LRP1B: variants seen among roughly 807,000 people sequenced by gnomAD.
LRP1B encodes the protein low-density lipoprotein receptor-related protein 1B.
Under a neutral mutation model 556.6 loss-of-function variants are expected in LRP1B, and 217 were observed. That is an observed-to-expected ratio of 0.39 (90% CI 0.35 to 0.44). LRP1B has a LOEUF of 0.44. Ranked by LOEUF, LRP1B falls within the 20% of genes least tolerant of loss-of-function variation. The pLI is 1.00. For missense variants in LRP1B, 5,053 were observed against 5,620.8 expected (o/e 0.90, Z 3.23); for synonymous variants, 2,047 against 1,865.8 (o/e 1.10, Z -2.50).
At chr2:140,256,053 G>A (rs561275038) in intron 86 of LRP1B, among the ~76,000 whole-genome samples, 83 of 152,046 alleles carry the variant, frequency 5.5e-4, no homozygotes, top group African/African-American at 1.5e-3. Context: ...TTTGCTTGAT[G>A]GATACTTTAA....
intron 1 of LRP1B, among the ~76,000 whole-genome samples, chr2:142,042,580 C>G (rs549734568): frequency 6.1e-4 from 93 of 151,472 alleles, no homozygotes; most frequent in African/African-American, 2.2e-3. Context: ...TTATTCACAG[C>G]AATAAAAAAG....
At chr2:141,834,810 G>T (rs10191067) in intron 1 of LRP1B, among the ~76,000 whole-genome samples, 1 of 151,622 alleles carries the variant, frequency 6.6e-6, no homozygotes, top group Non-Finnish European at 1.5e-5. Flanking sequence ...TTTACAGTAC[G>T]CTGAGAAAGT....
At position 141,414,255 on chromosome 2, in the gene LRP1B, A is replaced by AAAAG. The variant is rs1266695197; in HGVS notation, c.343+66140_343+66141insCTTT. Reference sequence around the variant, plus strand: ...TCTATCTCAAAAAAAAAAAAAAAAGAAAAAGGAAGGAAGGAGGGAGGGAGG... The same window carrying AAAAG: ...TCTATCTCAAAAAAAAAAAAAAAAGAAAAGAAAAGGAAGGAAGGAGGGAGGGAGG... On this transcript the variant is annotated intron_variant, in intron 3 of 90. Coordinates refer to ENST00000389484, the MANE Select transcript of LRP1B (RefSeq NM_018557.3). Among the ~76,000 whole-genome samples the AAAAG allele has an allele frequency of 2.1e-3, 307 of 146,434 alleles. 3 individuals carry two copies. Among genetic ancestry groups the AAAAG allele is most frequent in the African/African-American group, 7.4e-3 (297 of 40,082 alleles).
At chr2:140,560,231 A>G (rs114725870) in intron 43 of LRP1B, among the ~76,000 whole-genome samples, 76 of 152,322 alleles carry the variant, frequency 5.0e-4, no homozygotes, top group African/African-American at 1.8e-3. Context: ...AGAGAAAGCA[A>G]GACTGGGGTA....
chr2:141,689,827 T>G (rs1234052363), intron 2 of LRP1B, among the ~76,000 whole-genome samples: 2 of 151,832 alleles, frequency 1.3e-5, no homozygotes, highest in East Asian at 3.9e-4. Flanking sequence ...AGCTGACTTA[T>G]TTTTAAACAA....
intron 2 of LRP1B, among the ~76,000 whole-genome samples, chr2:141,585,443 G>C (rs1228792747): frequency 6.7e-6 from 1 of 150,160 alleles, no homozygotes; most frequent in East Asian, 2.0e-4. Context: ...GTGTGTGTGT[G>C]TGTGTGTGTG....
chr2:141,213,875 C>T (rs1047392092), intron 6 of LRP1B, among the ~76,000 whole-genome samples: 6 of 151,470 alleles, frequency 4.0e-5, no homozygotes, highest in Non-Finnish European at 7.4e-5. Flanking sequence ...TTGAATGATA[C>T]CACATCCTTT....
chr2:142,005,112 TACTATATATA>T (rs1452644456), intron 1 of LRP1B, among the ~76,000 whole-genome samples: 3 of 148,576 alleles, frequency 2.0e-5, no homozygotes, highest in African/African-American at 7.3e-5. Flanking sequence ...ATTAGTTATT[TACTATATATA>T]ACTATATAGT....
intron 14 of LRP1B, among the ~76,000 whole-genome samples, chr2:141,008,114 A>T (rs1697631194): frequency 6.6e-6 from 1 of 151,382 alleles, no homozygotes; most frequent in Admixed American, 6.6e-5. Context: ...TTATGTAAAA[A>T]TATCCTCTTT....
At chr2:141,373,801 ATAT>A (rs1178230158) in intron 3 of LRP1B, among the ~76,000 whole-genome samples, 1 of 151,976 alleles carries the variant, frequency 6.6e-6, no homozygotes, top group Non-Finnish European at 1.5e-5. Context: ...TGTTACTGTC[ATAT>A]TATTGTTTTC....
chr2:140,315,206 AAAT>A (rs1326155042), intron 82 of LRP1B, 107 bp from the exon 83 acceptor site: 19 of 727,566 alleles, frequency 2.6e-5, no homozygotes, highest in African/African-American at 3.6e-5. Context: ...TGTTTCCATA[AAAT>A]AATTAACCCC....
intron 6 of LRP1B, among the ~76,000 whole-genome samples, chr2:141,204,469 A>C (rs781147569): frequency 1.3e-5 from 2 of 152,176 alleles, no homozygotes; most frequent in Non-Finnish European, 2.9e-5. Flanking sequence ...CTTCACTTCC[A>C]AAGGTAGCCT....
chr2:141,968,977 TTC>T (rs1450124778), intron 1 of LRP1B, among the ~76,000 whole-genome samples: 2 of 151,630 alleles, frequency 1.3e-5, no homozygotes, highest in African/African-American at 2.4e-5. Context: ...TTTCTTTCAG[TTC>T]TCTCTGTCCT....
intron 1 of LRP1B, among the ~76,000 whole-genome samples, chr2:142,000,938 T>C (rs1475354904): frequency 2.0e-5 from 3 of 152,174 alleles, no homozygotes; most frequent in Non-Finnish European, 4.4e-5. Context: ...AATTCCCATA[T>C]GTTGTGGGAG....
rs1418532704 is a variant in LRP1B at position 141,780,587 on chromosome 2, G to A, written c.205+29692C>T. Among the ~76,000 whole-genome samples, 6 of 152,210 alleles carry A rather than the reference G, an allele frequency of 3.9e-5. No individual in the cohort carries two copies. In the South Asian group the frequency reaches 1.2e-3, roughly 32 times the overall value. ...ACGGGCTATTTTAAGCTATCGCGTG[G>A]CATCACTGAACTGGACTTGGAAGAG... On this transcript the variant is annotated intron_variant, in intron 2 of 90. Coordinates refer to ENST00000389484, the MANE Select transcript of LRP1B (RefSeq NM_018557.3).
chr2:141,903,850 A>G (rs1699687141), intron 1 of LRP1B, among the ~76,000 whole-genome samples: 1 of 152,008 alleles, frequency 6.6e-6, no homozygotes, highest in East Asian at 1.9e-4. Context: ...TGGTAGATGT[A>G]ACTGATGGAC....
At chr2:140,751,988 T>C (rs1573666867) in intron 35 of LRP1B, among the ~76,000 whole-genome samples, 2 of 152,128 alleles carry the variant, frequency 1.3e-5, no homozygotes, top group East Asian at 3.9e-4. Context: ...TTTTTTAGTC[T>C]GAATGGAAGA....
intron 3 of LRP1B, among the ~76,000 whole-genome samples, chr2:141,416,940 G>A (rs902285801): frequency 6.6e-6 from 1 of 152,048 alleles, no homozygotes; most frequent in Non-Finnish European, 1.5e-5. Flanking sequence ...TTCCACTGGG[G>A]AACAAGTTGG....
intron 41 of LRP1B, among the ~76,000 whole-genome samples, chr2:140,642,744 T>A (rs1170908396): frequency 6.6e-6 from 1 of 152,116 alleles, no homozygotes; most frequent in Admixed American, 6.5e-5. Flanking sequence ...CTCGGGAGGC[T>A]GAGGCAGGAG....
Sources: allele counts gnomAD v4.1 joint callset (sites outside exome capture counted in the v4.1 genomes callset), GRCh38; gene constraint gnomAD v4.1.1; transcripts MANE v1.5; gene names NCBI Gene and HGNC (gene_info 2026-07-23, HGNC 2026-07-21).